TIA1: variants seen among roughly 807,000 people sequenced by gnomAD.
TIA1 encodes the protein TIA1 cytotoxic granule associated RNA binding protein.
Under a neutral mutation model 65.9 loss-of-function variants are expected in TIA1, and 23 were observed. The observed-to-expected ratio is 0.35, with a 90% confidence interval of 0.25 to 0.49. TIA1 has a LOEUF of 0.49. Ranked by LOEUF, TIA1 falls within the 20% of genes least tolerant of loss-of-function variation. The pLI, the probability that TIA1 is intolerant of heterozygous loss-of-function variation, is 0.98. For synonymous variants in TIA1, 147 were observed against 149.4 expected (o/e 0.98, Z 0.12); for missense variants, 371 against 477.9 (o/e 0.78, Z 2.09).
chr2:70,224,824 CTT>C lies in TIA1; in HGVS notation c.399-197_399-196del, dbSNP rs1410594550. On this transcript the variant is annotated intron_variant, in intron 6 of 12. Coordinates refer to ENST00000433529, the MANE Select transcript of TIA1 (RefSeq NM_022173.4). ...ATTTTATAGACATGCAAATCAATAA[CTT>C]AAGTATATATGTATATTTATATTGT... The C allele has an allele frequency of 3.2e-5, 44 of 1,371,930 alleles. No individual in the cohort carries two copies. In the East Asian group the frequency reaches 9.9e-4, roughly 31 times the overall value. The allele number at this position is 1,371,930 out of a possible 1,614,324, so 85.0% of individuals were successfully genotyped here.
chr2:70,229,053 A>G lies in TIA1; in HGVS notation c.310+6T>C. 1 of 1,610,174 alleles carries G rather than the reference A, an allele frequency of 6.2e-7. No individual in the cohort carries two copies. Among genetic ancestry groups the G allele is most frequent in the Non-Finnish European group, 8.5e-7 (1 of 1,178,958 alleles). ...TTTCATTTTATGTTTAAGAAGATAC[A>G]ATTACCTTGTGAACGCTGTGTGCTG... On this transcript the variant is annotated splice_donor_region_variant and intron_variant, in intron 5 of 12. Transcript: ENST00000433529.
At position 70,229,321 on chromosome 2, in the gene TIA1, A is replaced by T. The variant is rs750261656; in HGVS notation, c.223-3T>A. 27 of 826,892 alleles carry T rather than the reference A, an allele frequency of 3.3e-5. No individual in the cohort carries two copies. In the Middle Eastern group the frequency reaches 9.9e-4, roughly 30 times the overall value. 51.2% of individuals were successfully genotyped at this position (826,892 alleles called of 1,614,324 possible). A position where few individuals can be genotyped will look rare whatever the true frequency, so the allele number is the denominator to read the frequency against. On this transcript the variant is annotated splice_polypyrimidine_tract_variant and splice_region_variant and intron_variant, in intron 3 of 12. Transcript: ENST00000433529. Reference sequence around the variant, plus strand: ...GTTGCCCAATTCACTTTGACTTCCTAAAAAAAAAAAATTTCTACATTTATA... The same window carrying T: ...GTTGCCCAATTCACTTTGACTTCCTTAAAAAAAAAAATTTCTACATTTATA...
At chr2:70,236,256 T>C (rs1688894764) in intron 1 of TIA1, 81 bp from the exon 2 acceptor site, 3 of 880,408 alleles carry the variant, frequency 3.4e-6, no homozygotes, top group African/African-American at 3.4e-5. Flanking sequence ...TAGAGTGCAA[T>C]GGCACGATCT....
In TIA1 at chr2:70,230,931, C is replaced by T. The variant is rs1277827417; in HGVS notation, c.124-77G>A. The T allele has an allele frequency of 5.4e-6, 6 of 1,116,820 alleles. No individual in the cohort carries two copies. In the East Asian group the frequency reaches 1.5e-4, roughly 28 times the overall value. The allele number at this position is 1,116,820 out of a possible 1,614,324, so 69.2% of individuals were successfully genotyped here. On this transcript the variant is annotated intron_variant, in intron 2 of 12. Coordinates refer to ENST00000433529, the MANE Select transcript of TIA1 (RefSeq NM_022173.4). ...CTTAAAATTATGTAAAAAAAAAAAT[C>T]TTAAACCAAGTTTTATACATCTAAG...
At chr2:70,217,056 TAGC>T in intron 7 of TIA1, 62 bp from the exon 8 acceptor site, 1 of 1,482,604 alleles carries the variant, frequency 6.7e-7, no homozygotes, top group Non-Finnish European at 9.0e-7. Context: ...AAACAACTCT[TAGC>T]AGTAGAGAAA....
At chr2:70,241,401 C>G (rs1402283407) in intron 1 of TIA1, among the ~76,000 whole-genome samples, 1 of 151,724 alleles carries the variant, frequency 6.6e-6, no homozygotes, top group African/African-American at 2.4e-5. Context: ...GAGATCATGC[C>G]ACTGTACTCC....
At position 70,216,423 on chromosome 2, in the gene TIA1, A is replaced by T; in HGVS notation, c.660T>A (p.Gly220=). The T allele has an allele frequency of 6.2e-7, 1 of 1,612,476 alleles. No homozygotes were observed. Among genetic ancestry groups the T allele is most frequent in the Non-Finnish European group, 8.5e-7 (1 of 1,179,528 alleles). ...CCATACCTGTTAGCCCAGAAGTAAC[A>T]CCTCCACAGTATACAGTACAGTTGC... ...SPSNCTVYCG[G]VTSGLTEQLM... is the part of the protein sequence containing the mutation. Residue 220 remains glycine (G), a synonymous_variant, in exon 9 of 13, where the codon GGT becomes GGA. Coordinates refer to ENST00000433529, the MANE Select transcript of TIA1 (RefSeq NM_022173.4).
chr2:70,230,431 A>G (rs575995823), intron 3 of TIA1, among the ~76,000 whole-genome samples: 46 of 152,164 alleles, frequency 3.0e-4, no homozygotes, highest in Middle Eastern at 3.4e-3. Context: ...CAGGCAGATC[A>G]CCTGAGGTCA....
chr2:70,215,362 C>A lies in TIA1; in HGVS notation c.888+9G>T. On this transcript the variant is annotated intron_variant, in intron 11 of 12. Transcript: ENST00000433529. ...AACAATTACTTCTCAAAGTTAAGAA[C>A]CCTCTCACCTGTTGCACGGGATTTA... 4 of 1,613,318 alleles carry A rather than the reference C, an allele frequency of 2.5e-6. No individual in the cohort carries two copies. Among genetic ancestry groups the A allele is most frequent in the African/African-American group, 1.3e-5 (1 of 75,006 alleles).
intron 1 of TIA1, among the ~76,000 whole-genome samples, chr2:70,247,299 T>C (rs1030102506): frequency 1.3e-5 from 2 of 152,054 alleles, no homozygotes; most frequent in Admixed American, 1.3e-4. Flanking sequence ...AGACAAGAAA[T>C]AGCAACTTAA....
At chr2:70,230,068 C>G (rs1261720397) in intron 3 of TIA1, among the ~76,000 whole-genome samples, 8 of 151,504 alleles carry the variant, frequency 5.3e-5, no homozygotes, top group Admixed American at 2.6e-4. Flanking sequence ...ACGGTGAAAC[C>G]CTGTTTCTAC....
rs939946102 is a variant in TIA1 at position 70,223,582 on chromosome 2, T to A, written c.474+972A>T. Among the ~76,000 whole-genome samples the A allele has an allele frequency of 2.6e-5, 4 of 151,590 alleles. No homozygotes were observed. In the East Asian group the frequency reaches 5.9e-4, roughly 22 times the overall value. On this transcript the variant is annotated intron_variant, in intron 7 of 12. Coordinates refer to ENST00000433529, the MANE Select transcript of TIA1 (RefSeq NM_022173.4). ...GACTACAGGCATGTGTCGCCATGCC[T>A]GGCTAATTTTTTGTAGAGATGGGGT...
chr2:70,214,750 C>T, intron 11 of TIA1, among the ~76,000 whole-genome samples: 1 of 151,988 alleles, frequency 6.6e-6, no homozygotes, highest in East Asian at 1.9e-4. Context: ...TCAGTTGATA[C>T]CCTAGTAATA....
At position 70,211,134 on chromosome 2, in the gene TIA1, T is replaced by C. The variant is rs976133485; in HGVS notation, c.*1585A>G. ...TCTTGAAAACCATCAACCATTCAAA[T>C]ATGTATACTGGGACCTTTCCTCTTG... On this transcript the variant is annotated 3_prime_UTR_variant, in exon 13 of 13. Transcript: ENST00000433529. 6.6e-6 allele frequency: 1 copy of C among 152,136 alleles called. No individual in the cohort carries two copies. Among genetic ancestry groups the C allele is most frequent in the African/African-American group, 2.4e-5 (1 of 41,430 alleles). The allele number at this position is 152,136 out of a possible 1,614,324, so 9.4% of individuals were successfully genotyped here.
At chr2:70,221,033 G>T (rs989086999) in intron 7 of TIA1, among the ~76,000 whole-genome samples, 1 of 151,942 alleles carries the variant, frequency 6.6e-6, no homozygotes, top group African/African-American at 2.4e-5. Context: ...TTGAGACGGA[G>T]TCTCACTCTG....
intron 7 of TIA1, among the ~76,000 whole-genome samples, chr2:70,218,014 C>T (rs903978857): frequency 2.0e-5 from 3 of 152,184 alleles, no homozygotes; most frequent in Admixed American, 6.5e-5. Flanking sequence ...TCCAGGCATG[C>T]GGTTAAGAGC....
At chr2:70,213,593 C>G (rs557753116) in intron 12 of TIA1, among the ~76,000 whole-genome samples, 4 of 151,968 alleles carry the variant, frequency 2.6e-5, no homozygotes, top group Admixed American at 6.6e-5. Flanking sequence ...AAGTGATCCG[C>G]CTGCCTTGGC....
At chr2:70,232,433 G>A (rs1385710855) in intron 2 of TIA1, among the ~76,000 whole-genome samples, 3 of 144,932 alleles carry the variant, frequency 2.1e-5, no homozygotes, top group South Asian at 2.2e-4. Flanking sequence ...CCAGCTACTC[G>A]GGAGGCTGAG....
chr2:70,243,871 A>G (rs527338734), intron 1 of TIA1, among the ~76,000 whole-genome samples: 5 of 152,310 alleles, frequency 3.3e-5, no homozygotes, highest in Admixed American at 3.3e-4. Flanking sequence ...CTACAATTAC[A>G]GGCACTGCTT....
Sources: allele counts gnomAD v4.1 joint callset (sites outside exome capture counted in the v4.1 genomes callset), GRCh38; gene constraint gnomAD v4.1.1; transcripts MANE v1.5; gene names NCBI Gene and HGNC (gene_info 2026-07-23, HGNC 2026-07-21).